PLCH2: variants seen among roughly 807,000 people sequenced by gnomAD.
PLCH2 encodes the protein phospholipase C eta 2, also known as 1-phosphatidylinositol 4,5-bisphosphate phosphodiesterase eta-2.
Under a neutral mutation model 134.7 loss-of-function variants are expected in PLCH2, and 98 were observed. The observed-to-expected ratio is 0.73, with a 90% CI of 0.62 to 0.86. The LOEUF is 0.86. PLCH2 is among the 40% of genes least tolerant of loss of function. The pLI is 0.00. For missense variants in PLCH2, 1,994 were observed against 1,986.6 expected (o/e 1.00, Z -0.07); for synonymous variants, 974 against 827.5 (o/e 1.18, Z -3.04).
chr1:2,452,003 G>A (rs553324753), intron 2 of PLCH2, among the ~76,000 whole-genome samples: 20 of 152,314 alleles, frequency 1.3e-4, no homozygotes, highest in Middle Eastern at 3.4e-3. Context: ...CTCTGCCGTG[G>A]GCCTGTCGGA....
At chr1:2,466,406 G>A (rs928374041), upstream of PLCH2, among the ~76,000 whole-genome samples, 2 of 152,330 alleles carry the variant, frequency 1.3e-5, no homozygotes, top group South Asian at 2.1e-4. Context: ...TCCTTTGAGG[G>A]TGCCAGGCAG....
chr1:2,480,786 C>T lies in PLCH2; in HGVS notation c.645+474C>T, dbSNP rs117418884. Among the ~76,000 whole-genome samples the T allele has an allele frequency of 7.1e-4, 108 of 152,364 alleles. 2 individuals are homozygous for T. The East Asian group carries it at 0.02, about 28-fold the overall frequency. On this transcript the variant is annotated intron_variant, in intron 4 of 21. Transcript: ENST00000378486. ...CCTGATGTTAGGAGTTATGAAAATG[C>T]AGCCTTCAGCTGAGCTGCGGCCTTT...
At chr1:2,452,160 C>T (rs895259083) in intron 2 of PLCH2, among the ~76,000 whole-genome samples, 11 of 152,164 alleles carry the variant, frequency 7.2e-5, no homozygotes, top group African/African-American at 1.9e-4. Context: ...CGGTGGCCGC[C>T]GTGTGCAGCC....
At chr1:2,431,147 C>CGTGT (rs147662084) in intron 2 of PLCH2, among the ~76,000 whole-genome samples, 2 of 151,170 alleles carry the variant, frequency 1.3e-5, no homozygotes, top group Admixed American at 6.6e-5. Flanking sequence ...TGTGCGTGTG[C>CGTGT]GTGTGTGTGT....
At chr1:2,472,409 CA>C (rs1441427926), upstream of PLCH2, among the ~76,000 whole-genome samples, 3 of 152,292 alleles carry the variant, frequency 2.0e-5, no homozygotes, top group East Asian at 5.8e-4. Context: ...CCCTTGGGGG[CA>C]GCACGGGAGG....
chr1:2,466,895 G>A (rs1051962527), upstream of PLCH2, among the ~76,000 whole-genome samples: 2 of 152,158 alleles, frequency 1.3e-5, no homozygotes, highest in Non-Finnish European at 2.9e-5. Flanking sequence ...AGCACGCAGG[G>A]CTGCAGCCGT....
Position 2,469,096 on chromosome 1 carries a change from G to A in PLCH2, c.43+1434G>A, listed in dbSNP as rs114908466. Reference sequence around the variant, plus strand: ...CTCCAGGTGCACCCACTCGCTGACCGCAGCCCCCATCCCAGGGCTCTCCTG... The same window carrying A: ...CTCCAGGTGCACCCACTCGCTGACCACAGCCCCCATCCCAGGGCTCTCCTG... On this transcript the variant is annotated intron_variant, in intron 1 of 21. Transcript: ENST00000449969. Among the ~76,000 whole-genome samples, 1,360 of 152,290 alleles carry A rather than the reference G, an allele frequency of 8.9e-3. 13 individuals are homozygous for A. The highest frequency in any genetic ancestry group is 0.036 in the East Asian group (188 of 5,170).
At chr1:2,422,455 G>C (rs1180849857), upstream of PLCH2, among the ~76,000 whole-genome samples, 1 of 152,222 alleles carries the variant, frequency 6.6e-6, no homozygotes, top group Non-Finnish European at 1.5e-5. Flanking sequence ...GTGTGTTTTG[G>C]TTGAAATCAG....
upstream of PLCH2, among the ~76,000 whole-genome samples, chr1:2,475,207 G>A (rs60277530): frequency 0.025 from 3,850 of 152,310 alleles, 161 homozygotes; most frequent in African/African-American, 0.089. Context: ...CCGGGGCTCT[G>A]CCAGGATGCC....
At chr1:2,480,051 T>C in intron 3 of PLCH2, 74 bp downstream of exon 3, 1 of 1,581,228 alleles carries the variant, frequency 6.3e-7, no homozygotes, top group Non-Finnish European at 8.6e-7. Context: ...GGGGGGCCTG[T>C]CCTTTGCCGG....
intron 2 of PLCH2, among the ~76,000 whole-genome samples, chr1:2,457,371 G>A (rs1640545286): frequency 6.6e-6 from 1 of 152,170 alleles, no homozygotes; most frequent in Non-Finnish European, 1.5e-5. Flanking sequence ...CTGGGGGGCT[G>A]CATGCTCCCA....
In PLCH2 at chr1:2,498,916, C is replaced by A; in HGVS notation, c.2434+88C>A. On this transcript the variant is annotated intron_variant, in intron 18 of 21. Coordinates refer to ENST00000378486, the MANE Select transcript of PLCH2 (RefSeq NM_014638.4). This position sits in a 1 kb window ranked among gnomAD's most constrained non-coding sequence, Gnocchi z 5.4. ...TACCTGGTGTGCCCGGGTGCCCTGC[C>A]CAGGCCTCCCTCAGTGACAGTCCTG... The A allele has an allele frequency of 7.4e-7, 1 of 1,347,322 alleles. No individual in the cohort carries two copies. The highest frequency in any genetic ancestry group is 1.0e-6 in the Non-Finnish European group (1 of 964,258). 83.5% of individuals were successfully genotyped at this position (1,347,322 alleles called of 1,614,324 possible). A position where few individuals can be genotyped will look rare whatever the true frequency, so the allele number is the denominator to read the frequency against.
chr1:2,436,038 C>T (rs1276979092), intron 2 of PLCH2, among the ~76,000 whole-genome samples: 387 of 93,314 alleles, frequency 4.1e-3, no homozygotes, highest in African/African-American at 4.7e-3. Context: ...TCCTCCCCTC[C>T]TCCCTTCCTC....
chr1:2,461,009 G>A (rs1024084815), intron 2 of PLCH2, among the ~76,000 whole-genome samples: 4 of 152,164 alleles, frequency 2.6e-5, no homozygotes, highest in South Asian at 2.1e-4. Context: ...CTCTGGGGCC[G>A]GATCTCACAC....
chr1:2,450,338 C>G (rs1175181957), intron 2 of PLCH2, among the ~76,000 whole-genome samples: 1 of 151,964 alleles, frequency 6.6e-6, no homozygotes, highest in African/African-American at 2.4e-5. Context: ...GCCTCGTTAG[C>G]TCACCAGGAC....
chr1:2,454,592 C>T lies in PLCH2; in HGVS notation c.116-23884C>T, dbSNP rs1640398609. On this transcript the variant is annotated intron_variant, in intron 2 of 3. Coordinates refer to the PLCH2 transcript ENST00000609981. ...GGCCTGATGGTGGACCCCAGGCCTT[C>T]CTGCCTGGGACCCTGCAGGGCCTCT... Among the ~76,000 whole-genome samples the T allele has an allele frequency of 2.0e-5, 3 of 152,266 alleles. No individual in the cohort carries two copies. In the South Asian group the frequency reaches 6.2e-4, roughly 32 times the overall value.
In PLCH2 at chr1:2,489,933, C is replaced by G. The variant is rs1355937726; in HGVS notation, c.1515+66C>G. ...CAGTTCCCAAGAACAGCTGTCCGTCCTTGCTGTTGGGGCGAGTTAGAAAGG... is the reference window on the plus strand; with the variant it reads ...CAGTTCCCAAGAACAGCTGTCCGTCGTTGCTGTTGGGGCGAGTTAGAAAGG... On this transcript the variant is annotated intron_variant, in intron 10 of 21. Coordinates refer to ENST00000378486, the MANE Select transcript of PLCH2 (RefSeq NM_014638.4). 2.5e-6 allele frequency: 3 copies of G among 1,193,212 alleles called. No individual in the cohort carries two copies. In the African/African-American group the frequency reaches 4.5e-5, roughly 18 times the overall value. 73.9% of individuals were successfully genotyped at this position (1,193,212 alleles called of 1,614,324 possible). A position where few individuals can be genotyped will look rare whatever the true frequency, so the allele number is the denominator to read the frequency against.
chr1:2,453,917 G>A (rs999380840), intron 2 of PLCH2, among the ~76,000 whole-genome samples: 1 of 152,142 alleles, frequency 6.6e-6, no homozygotes, highest in African/African-American at 2.4e-5. Flanking sequence ...GAGTGGGGTG[G>A]GGGAAAGAGG....
At chr1:2,483,576 C>G (rs1236414845) in intron 4 of PLCH2, among the ~76,000 whole-genome samples, 1 of 152,178 alleles carries the variant, frequency 6.6e-6, no homozygotes, top group East Asian at 1.9e-4. Context: ...TCTCACCCTG[C>G]CCTGCCCAGC....
Sources: gnomAD v4.1 joint callset for allele counts (sites outside exome capture counted in the v4.1 genomes callset) on GRCh38, gnomAD v4.1.1 for gene constraint, Gnocchi (gnomAD v3.1) non-coding constraint, MANE v1.5 for transcripts, NCBI Gene and HGNC (gene_info 2026-07-23, HGNC 2026-07-21) for gene names.